ASCC3: variants seen among roughly 807,000 people sequenced by gnomAD.
ASCC3 encodes the protein activating signal cointegrator 1 complex subunit 3.
In ASCC3, 158 loss-of-function variants were observed where a neutral mutation model predicts 256.3. The observed-to-expected ratio is 0.62, with a 90% CI of 0.54 to 0.70. ASCC3 has a LOEUF of 0.70. Among genes scored for constraint, ASCC3 ranks in the 30% least tolerant of loss-of-function variants. The pLI, the probability that ASCC3 is intolerant of heterozygous loss-of-function variation, is 0.00. For synonymous variants in ASCC3, 948 were observed against 883.4 expected (o/e 1.07, Z -1.30); for missense variants, 2,259 against 2,626.0 (o/e 0.86, Z 3.05).
intron 3 of ASCC3, among the ~76,000 whole-genome samples, chr6:100,850,092 C>A (rs1264459930): frequency 1.3e-5 from 1 of 75,536 alleles, no homozygotes; most frequent in Non-Finnish European, 2.7e-5. Flanking sequence ...AGAATTGAGA[C>A]TCTATCAAAA....
intron 4 of ASCC3, among the ~76,000 whole-genome samples, chr6:100,825,514 TTC>T (rs923707309): frequency 1.2e-4 from 18 of 152,194 alleles, no homozygotes; most frequent in Non-Finnish European, 2.4e-4. Flanking sequence ...AACCCCACCT[TTC>T]TCTCTGGCTG....
At chr6:100,717,072 T>C (rs1388308394) in intron 12 of ASCC3, among the ~76,000 whole-genome samples, 1 of 151,920 alleles carries the variant, frequency 6.6e-6, no homozygotes, top group Admixed American at 6.6e-5. Context: ...GCTTAAAATA[T>C]GCAGAATTGT....
intron 37 of ASCC3, among the ~76,000 whole-genome samples, chr6:100,537,755 T>C (rs1775233784): frequency 6.6e-6 from 1 of 151,884 alleles, no homozygotes; most frequent in South Asian, 2.1e-4. Context: ...ATGCTGCTTT[T>C]CCAAATTATC....
Position 100,631,195 on chromosome 6 carries a change from GGGGT to G in ASCC3, c.4137_4140del (p.Pro1380Ter). ...ATTCTTTCACGTACTAGGGCTTTTA[GGGGT>G]GCAATATATACCGCCTAAAAAGGGG... On this transcript the variant is annotated frameshift_variant, in exon 26 of 42. Transcript: ENST00000369162. LOFTEE classifies it high-confidence loss of function. 4.3e-6 allele frequency: 7 copies of G among 1,612,096 alleles called. No homozygotes were observed. Among genetic ancestry groups the G allele is most frequent in the Non-Finnish European group, 3.4e-6 (4 of 1,178,706 alleles).
At chr6:100,623,183 A>G (rs1554203248) in intron 30 of ASCC3, among the ~76,000 whole-genome samples, 1 of 152,194 alleles carries the variant, frequency 6.6e-6, no homozygotes, top group Non-Finnish European at 1.5e-5. Context: ...TTATTCAGAT[A>G]TCAATTAAAT....
rs752977714 is a variant in ASCC3, at chr6:100,799,551, A to G, written c.1149T>C (p.Ala383=). 6.2e-7 allele frequency: 1 copy of G among 1,612,664 alleles called. No homozygotes were observed. The highest frequency in any genetic ancestry group is 2.2e-5 in the East Asian group (1 of 44,798). Residue 383 remains alanine (A), a synonymous_variant, in exon 7 of 42, where the codon GCT becomes GCC. Transcript: ENST00000369162. ...RIQREQALLN[A]RSVPILSRQR... is the part of the protein sequence containing the mutation. ...GCCTGCTCAGAATTGGAACACTTCT[A>G]GCATTCAGAAGTGCCTGTTCTCTGT... is the stretch of plus-strand genomic sequence containing the variant.
At chr6:100,530,965 T>C (rs1774841672) in intron 37 of ASCC3, 2 of 1,535,094 alleles carry the variant, frequency 1.3e-6, no homozygotes, top group African/African-American at 1.4e-5. Context: ...TGTCTAATTA[T>C]GATGAAGGAG....
intron 17 of ASCC3, among the ~76,000 whole-genome samples, chr6:100,654,335 C>T (rs1775818494): frequency 1.3e-5 from 2 of 148,924 alleles, no homozygotes; most frequent in African/African-American, 4.9e-5. Flanking sequence ...GATTTTCTGA[C>T]GTATAAAGGT....
intron 11 of ASCC3, among the ~76,000 whole-genome samples, chr6:100,721,525 T>G (rs1284465684): frequency 6.6e-6 from 1 of 151,634 alleles, no homozygotes; most frequent in African/African-American, 2.4e-5. Flanking sequence ...ACCTAGAGAA[T>G]AGAGATGATA....
chr6:100,798,265 T>C (rs1489852900), intron 8 of ASCC3, among the ~76,000 whole-genome samples: 1 of 152,098 alleles, frequency 6.6e-6, no homozygotes, highest in Non-Finnish European at 1.5e-5. Context: ...AAGATAGTAA[T>C]ATTCATGCCA....
At position 100,725,795 on chromosome 6, in the gene ASCC3, C is replaced by T. The variant is rs1001669903; in HGVS notation, c.1738-92G>A. On this transcript the variant is annotated intron_variant, in intron 10 of 41. Coordinates refer to ENST00000369162, the MANE Select transcript of ASCC3 (RefSeq NM_006828.4). ...TCAGAAAGAAATATTTTGGCCACCT[C>T]TACATAAATCAAATAAAAAGTGTTT... The T allele has an allele frequency of 1.0e-5, 13 of 1,294,630 alleles. No homozygotes were observed. In the African/African-American group the frequency reaches 1.3e-4, roughly 13 times the overall value. The allele number at this position is 1,294,630 out of a possible 1,614,324, so 80.2% of individuals were successfully genotyped here. A position where few individuals can be genotyped will look rare whatever the true frequency, so the allele number is the denominator to read the frequency against.
At chr6:100,573,209 T>C (rs1005983132) in intron 36 of ASCC3, among the ~76,000 whole-genome samples, 4 of 152,158 alleles carry the variant, frequency 2.6e-5, no homozygotes, top group African/African-American at 7.2e-5. Context: ...ATTTACCTAC[T>C]GGGCTGCTTT....
At chr6:100,533,037 G>A (rs979320121) in intron 37 of ASCC3, among the ~76,000 whole-genome samples, 3 of 151,122 alleles carry the variant, frequency 2.0e-5, no homozygotes, top group African/African-American at 7.3e-5. Flanking sequence ...TATAGTTATT[G>A]TTTTCAGACT....
chr6:100,548,073 T>C (rs1321406422), intron 36 of ASCC3, among the ~76,000 whole-genome samples: 2 of 150,346 alleles, frequency 1.3e-5, no homozygotes, highest in African/African-American at 4.9e-5. Context: ...TACACTAGGA[T>C]TTCATTTATA....
intron 16 of ASCC3, among the ~76,000 whole-genome samples, chr6:100,658,525 T>G (rs1488955310): frequency 6.6e-6 from 1 of 151,448 alleles, no homozygotes; most frequent in Non-Finnish European, 1.5e-5. Flanking sequence ...TAACTAAAAT[T>G]TCAGTGCTGG....
chr6:100,683,765 TTTTA>T (rs1405584605), intron 13 of ASCC3, among the ~76,000 whole-genome samples: 6 of 152,008 alleles, frequency 3.9e-5, no homozygotes, highest in South Asian at 2.1e-4. Flanking sequence ...AACTTTATGC[TTTTA>T]TTTGAGTTTT....
At chr6:100,585,965 C>T (rs992104013) in intron 36 of ASCC3, among the ~76,000 whole-genome samples, 2 of 152,090 alleles carry the variant, frequency 1.3e-5, no homozygotes, top group Admixed American at 6.5e-5. Context: ...GAGTACTCGG[C>T]CATGTGAGTT....
intron 36 of ASCC3, among the ~76,000 whole-genome samples, chr6:100,587,198 T>C (rs1371337648): frequency 6.6e-6 from 1 of 152,162 alleles, no homozygotes; most frequent in African/African-American, 2.4e-5. Context: ...CTGACTACAC[T>C]TTCTCCTTAG....
Position 100,718,104 on chromosome 6 carries a change from T to C in ASCC3, c.2050A>G (p.Thr684Ala). ...GRFRPVPLGQ[T>A]FLGIKCANKM... ...TTTGCACATTTAATCCCCAAAAATG[T>C]CTGTCCAAGAGGTACTGGTCGAAAA... Residue 684 changes from threonine (T) to alanine (A), a missense_variant, in exon 12 of 42, where the codon ACA (threonine) becomes GCA (alanine). Around this residue, in one of 2 missense-constraint regions of ASCC3, gnomAD observed 1,839 missense variants for 2,206.7 expected, o/e 0.83. Coordinates refer to ENST00000369162, the MANE Select transcript of ASCC3 (RefSeq NM_006828.4). 1 of 1,613,548 alleles carries C rather than the reference T, an allele frequency of 6.2e-7. No individual in the cohort carries two copies. Among genetic ancestry groups the C allele is most frequent in the Non-Finnish European group, 8.5e-7 (1 of 1,179,692 alleles).
Sources: gnomAD v4.1 joint callset for allele counts (sites outside exome capture counted in the v4.1 genomes callset) on GRCh38, gnomAD v4.1.1 for gene constraint, gnomAD v4.1.1 regional missense constraint, MANE v1.5 for transcripts, NCBI Gene and HGNC (gene_info 2026-07-23, HGNC 2026-07-21) for gene names.